Variants in TNFSF4 observed in about 807,000 individuals in gnomAD.
TNFSF4 encodes the protein TNF superfamily member 4.
A neutral mutation model predicts 7.3 loss-of-function variants in TNFSF4; 4 were observed. That is an observed-to-expected ratio of 0.55 (90% confidence interval 0.27 to 1.25). The LOEUF (loss-of-function observed/expected upper bound fraction) is 1.25, where lower values mean the gene tolerates loss of function less well. TNFSF4 is among the 50% of genes most tolerant of loss of function. TNFSF4 has a pLI of 0.12. For missense variants in TNFSF4, 181 were observed against 208.8 expected (o/e 0.87, Z 0.82); for synonymous variants, 76 against 83.7 (o/e 0.91, Z 0.50).
the TNFSF4 span, among the ~76,000 whole-genome samples, chr1:173,386,049 G>C: frequency 2.0e-5 from 3 of 152,162 alleles, no homozygotes; most frequent in Non-Finnish European, 4.4e-5. Flanking sequence ...AGGACCCCAA[G>C]GGCATTTCAG....
At chr1:173,256,099 A>G in the TNFSF4 span, among the ~76,000 whole-genome samples, 5 of 152,322 alleles carry the variant, frequency 3.3e-5, no homozygotes, top group Middle Eastern at 3.4e-3. Flanking sequence ...TTTTGCCCCA[A>G]TTGTCCATAA....
At chr1:173,373,491 A>C in the TNFSF4 span, among the ~76,000 whole-genome samples, 500 of 152,308 alleles carry the variant, frequency 3.3e-3, 1 homozygote, top group African/African-American at 0.011. Context: ...AAAAGTACTC[A>C]TACCCCAAGC....
the TNFSF4 span, among the ~76,000 whole-genome samples, chr1:173,389,859 T>C: frequency 1.3e-5 from 2 of 152,202 alleles, no homozygotes; most frequent in Non-Finnish European, 2.9e-5. Context: ...TTTTTTCAAA[T>C]CTACCTAGCT....
At chr1:173,413,872 C>A in the TNFSF4 span, among the ~76,000 whole-genome samples, 127 of 152,234 alleles carry the variant, frequency 8.3e-4, 1 homozygote, top group African/African-American at 2.9e-3. Flanking sequence ...AAAATTCCCC[C>A]TTTTAGTTTA....
chr1:173,367,863 T>C, the TNFSF4 span, among the ~76,000 whole-genome samples: 1 of 152,184 alleles, frequency 6.6e-6, no homozygotes, highest in Non-Finnish European at 1.5e-5. Context: ...CATTTCATAC[T>C]GAGAGGTGAA....
At chr1:173,213,797 A>C in the TNFSF4 span, among the ~76,000 whole-genome samples, 1 of 152,216 alleles carries the variant, frequency 6.6e-6, no homozygotes, top group Admixed American at 6.5e-5. Flanking sequence ...TCTTCTTTTC[A>C]GAATAAATCC....
the TNFSF4 span, among the ~76,000 whole-genome samples, chr1:173,400,475 G>C: frequency 7.9e-5 from 12 of 152,222 alleles, no homozygotes; most frequent in African/African-American, 2.2e-4. Flanking sequence ...TTTATGTTCT[G>C]CCTGCCTAGA....
the TNFSF4 span, among the ~76,000 whole-genome samples, chr1:173,268,693 C>A: frequency 1.4e-4 from 21 of 151,794 alleles, no homozygotes; most frequent in Non-Finnish European, 2.8e-4. Context: ...AAGAGATTGG[C>A]AAAGTAGATT....
chr1:173,305,154 G>C, the TNFSF4 span, among the ~76,000 whole-genome samples: 2 of 151,846 alleles, frequency 1.3e-5, no homozygotes, highest in African/African-American at 4.8e-5. Flanking sequence ...TGATATTTTA[G>C]TTATACTACT....
chr1:173,327,735 C>CA, the TNFSF4 span, among the ~76,000 whole-genome samples: 16 of 152,188 alleles, frequency 1.1e-4, no homozygotes, highest in African/African-American at 2.9e-4. Context: ...TTTATGCAGC[C>CA]AAAAAACACA....
At chr1:173,395,375 A>AT in the TNFSF4 span, among the ~76,000 whole-genome samples, 77 of 56,038 alleles carry the variant, frequency 1.4e-3, no homozygotes, top group East Asian at 0.03. Context: ...GACTGTGTAT[A>AT]TAATATATAT....
At chr1:173,385,756 T>A in the TNFSF4 span, among the ~76,000 whole-genome samples, 3 of 152,126 alleles carry the variant, frequency 2.0e-5, no homozygotes, top group African/African-American at 7.2e-5. Context: ...CGAGAATTGC[T>A]TGAACCTGGG....
the TNFSF4 span, among the ~76,000 whole-genome samples, chr1:173,214,373 G>A: frequency 2.4e-4 from 37 of 152,142 alleles, 1 homozygote; most frequent in South Asian, 1.2e-3. Context: ...TATAAGTTCT[G>A]CATCTGGCCT....
At chr1:173,358,405 A>G in the TNFSF4 span, among the ~76,000 whole-genome samples, 1 of 152,224 alleles carries the variant, frequency 6.6e-6, no homozygotes, top group South Asian at 2.1e-4. Context: ...TGCTAAAATG[A>G]AAAGAAAAAA....
At chr1:173,312,334 T>G in the TNFSF4 span, among the ~76,000 whole-genome samples, 1 of 152,128 alleles carries the variant, frequency 6.6e-6, no homozygotes, top group Non-Finnish European at 1.5e-5. Flanking sequence ...TGAGACATTA[T>G]GAATTTTTAC....
chr1:173,346,302 C>A, the TNFSF4 span, among the ~76,000 whole-genome samples: 1 of 152,046 alleles, frequency 6.6e-6, no homozygotes, highest in African/African-American at 2.4e-5. Context: ...AGGGAAAATA[C>A]CTGCATACCC....
At chr1:173,279,774 TGCTACTAC>T in the TNFSF4 span, among the ~76,000 whole-genome samples, 5 of 152,140 alleles carry the variant, frequency 3.3e-5, no homozygotes, top group Admixed American at 3.3e-4. Flanking sequence ...CATTTCCCAG[TGCTACTAC>T]CTTTTTTCAG....
At chr1:173,362,805 T>A in the TNFSF4 span, 1 of 424,220 alleles carries the variant, frequency 2.4e-6, no homozygotes. Context: ...CTTTACTGTG[T>A]TGCTTCATTA....
the TNFSF4 span, among the ~76,000 whole-genome samples, chr1:173,371,876 G>A: frequency 9.9e-5 from 15 of 152,256 alleles, no homozygotes; most frequent in South Asian, 1.7e-3. Flanking sequence ...CAGACCACAC[G>A]TCCCAACTTA....
Sources: gnomAD v4.1 joint callset for allele counts (sites outside exome capture counted in the v4.1 genomes callset) on GRCh38, gnomAD v4.1.1 for gene constraint, MANE v1.5 for transcripts, NCBI Gene and HGNC (gene_info 2026-07-23, HGNC 2026-07-21) for gene names.